The following GPATCH1 variants were observed in gnomAD, a reference collection of about 807,000 sequenced individuals.
The protein encoded by GPATCH1 is G patch domain-containing protein 1.
A neutral mutation model predicts 114.9 loss-of-function variants in GPATCH1; 73 were observed. The observed-to-expected ratio is 0.64, with a 90% CI of 0.53 to 0.77. The LOEUF (loss-of-function observed/expected upper bound fraction) is 0.77, where lower values mean the gene tolerates loss of function less well. Ranked by LOEUF, GPATCH1 falls within the 30% of genes least tolerant of loss-of-function variation. The probability of loss-of-function intolerance (pLI) is 0.00; values close to 1 mark genes in which losing one functional copy is unlikely to be tolerated. For missense variants in GPATCH1, 1,058 were observed against 1,144.3 expected (o/e 0.92, Z 1.09); for synonymous variants, 391 against 428.4 (o/e 0.91, Z 1.08).
At chr19:33,101,101 A>G (rs974625767) in intron 8 of GPATCH1, among the ~76,000 whole-genome samples, 2 of 152,238 alleles carry the variant, frequency 1.3e-5, no homozygotes, top group Non-Finnish European at 2.9e-5. Flanking sequence ...AGTTTTACAC[A>G]TGACGCTCTC....
At chr19:33,102,397 A>T (rs997057201) in intron 9 of GPATCH1, among the ~76,000 whole-genome samples, 3 of 135,256 alleles carry the variant, frequency 2.2e-5, no homozygotes, top group African/African-American at 5.6e-5. Flanking sequence ...TCTAATTTCT[A>T]TTTTTTTTTT....
At chr19:33,120,105 TTTAAC>T (rs1254517694) in intron 17 of GPATCH1, among the ~76,000 whole-genome samples, 11 of 139,776 alleles carry the variant, frequency 7.9e-5, no homozygotes, top group South Asian at 4.2e-4. Flanking sequence ...ATAAATATAT[TTTAAC>T]TTAATTTAAA....
chr19:33,094,691 C>T (rs1972635692), intron 5 of GPATCH1, among the ~76,000 whole-genome samples: 2 of 152,140 alleles, frequency 1.3e-5, no homozygotes. Flanking sequence ...TCCTACCCTC[C>T]CCCAAGCTGT....
chr19:33,090,690 A>C, intron 2 of GPATCH1, 90 bp from the exon 3 acceptor site: 1 of 758,874 alleles, frequency 1.3e-6, no homozygotes, highest in Non-Finnish European at 2.3e-6. Flanking sequence ...AGTTATTGGG[A>C]ATTTCAAGTC....
At chr19:33,099,620 A>C (rs1972702017) in intron 8 of GPATCH1, among the ~76,000 whole-genome samples, 1 of 151,102 alleles carries the variant, frequency 6.6e-6, no homozygotes, top group South Asian at 2.1e-4. Context: ...TTTTTTTGAG[A>C]CAGAGTCTCA....
rs200560282 is a variant in GPATCH1, at chr19:33,088,202, C to T, written c.142C>T (p.Arg48Ter). Residue 48 changes from arginine to a stop codon, truncating the protein, a stop_gained, in exon 2 of 20, where the codon CGA (arginine) becomes TGA (stop). Transcript: ENST00000170564. LOFTEE classifies it high-confidence loss of function. ...TVRDEKGRYK[R>*]FHGAFSGGFS... ...CAGAGATGAAAAAGGAAGGTATAAACGATTCCACGGGGCCTTTAGTGGAGG... is the reference window on the plus strand; with the variant it reads ...CAGAGATGAAAAAGGAAGGTATAAATGATTCCACGGGGCCTTTAGTGGAGG... 4.3e-5 allele frequency: 68 copies of T among 1,595,200 alleles called. No homozygotes were observed. Among genetic ancestry groups the T allele is most frequent in the Non-Finnish European group, 5.3e-5 (62 of 1,168,416 alleles).
chr19:33,125,393 C>T (rs1039410067), intron 18 of GPATCH1, among the ~76,000 whole-genome samples, 191 bp downstream of exon 18: 4 of 151,556 alleles, frequency 2.6e-5, no homozygotes, highest in African/African-American at 4.8e-5. Context: ...TGCACTTAAA[C>T]GCCCCCCCGC....
chr19:33,098,344 G>T (rs534237350), intron 8 of GPATCH1, among the ~76,000 whole-genome samples: 2 of 152,232 alleles, frequency 1.3e-5, no homozygotes, highest in African/African-American at 4.8e-5. Context: ...CGCCCAGTCC[G>T]TCTTCTCCCT....
intron 19 of GPATCH1, among the ~76,000 whole-genome samples, chr19:33,129,741 C>T (rs1473551384): frequency 2.0e-5 from 3 of 151,840 alleles, no homozygotes; most frequent in African/African-American, 4.8e-5. Flanking sequence ...GTCAGGAGTT[C>T]GAAACAAGCC....
intron 11 of GPATCH1, among the ~76,000 whole-genome samples, chr19:33,110,487 G>C (rs965753044): frequency 2.6e-5 from 4 of 152,174 alleles, no homozygotes; most frequent in African/African-American, 9.7e-5. Context: ...CAAGAATGAG[G>C]CAAGAATGAG....
At chr19:33,126,315 T>TGACA (rs1973040364) in intron 18 of GPATCH1, among the ~76,000 whole-genome samples, 1 of 152,222 alleles carries the variant, frequency 6.6e-6, no homozygotes, top group South Asian at 2.1e-4. Flanking sequence ...TCACGTCTTA[T>TGACA]GACACCAAGT....
intron 15 of GPATCH1, among the ~76,000 whole-genome samples, chr19:33,116,020 T>C (rs1972912880): frequency 6.6e-6 from 1 of 151,942 alleles, no homozygotes; most frequent in Admixed American, 6.6e-5. Context: ...AATTTTTCTA[T>C]TTTTTTTCTC....
Position 33,117,954 on chromosome 19 carries a change from A to C in GPATCH1, c.2326A>C (p.Ser776Arg). ...SSSSEDEQGD[S>R]EDDQAGSGEA... ...ATCCTCCGAGGATGAGCAAGGTGAC[A>C]GTGAAGATGATCAGGCAGGCTCTGG... The change falls in exon 16 of 20, where the codon AGT becomes CGT. Residue 776 changes from serine (S) to arginine (R), a missense_variant. Ser to Arg is a moderately radical substitution (Grantham distance 110, BLOSUM62 -1). Transcript: ENST00000170564. 6.2e-7 allele frequency: 1 copy of C among 1,613,928 alleles called. No homozygotes were observed. Among genetic ancestry groups the C allele is most frequent in the Non-Finnish European group, 8.5e-7 (1 of 1,179,990 alleles).
At position 33,117,147 on chromosome 19, in the gene GPATCH1, G is replaced by A. The variant is rs555691849; in HGVS notation, c.2197-678G>A. On this transcript the variant is annotated intron_variant, in intron 15 of 19. Coordinates refer to ENST00000170564, the MANE Select transcript of GPATCH1 (RefSeq NM_018025.3). The stretch of plus-strand genomic sequence containing the variant: ...GGAGGTCAACACTGCAGTGTGCTAT[G>A]ATCGCACCATTGCTTTCCAGCCTGG... Among the ~76,000 whole-genome samples, 95 of 152,222 alleles carry A rather than the reference G, an allele frequency of 6.2e-4. No homozygotes were observed. In the Middle Eastern group the frequency reaches 0.01, roughly 16 times the overall value.
intron 2 of GPATCH1, 93 bp downstream of exon 2, chr19:33,088,361 TG>T: frequency 1.0e-6 from 1 of 992,468 alleles, no homozygotes. Context: ...TTTTTAATTT[TG>T]AGACAAGAGT....
At position 33,125,105 on chromosome 19, in the gene GPATCH1, A is replaced by G. The variant is rs1200102233; in HGVS notation, c.2522A>G (p.Asn841Ser). ...GPRLPPVFCP[N>S]ARQTLEVPQK... ...TGTGTTTATTACCTTTGTGTTTCAG[A>G]TGCTCGTCAGACACTTGAGGTTCCT... The change falls in exon 18 of 20, where the codon AAT (asparagine) becomes AGT (serine). Residue 841 changes from asparagine (N) to serine (S), a missense_variant and splice_region_variant. Coordinates refer to ENST00000170564, the MANE Select transcript of GPATCH1 (RefSeq NM_018025.3). The G allele has an allele frequency of 6.3e-7, 1 of 1,595,798 alleles. No individual in the cohort carries two copies.
chr19:33,120,018 A>G (rs908582885), intron 17 of GPATCH1, among the ~76,000 whole-genome samples: 17 of 134,612 alleles, frequency 1.3e-4, no homozygotes, highest in Admixed American at 3.8e-4. Flanking sequence ...TATATTTTAT[A>G]TATTTATATA....
At chr19:33,088,964 A>G (rs150665739) in intron 2 of GPATCH1, among the ~76,000 whole-genome samples, 148 of 152,212 alleles carry the variant, frequency 9.7e-4, no homozygotes, top group Non-Finnish European at 1.5e-3. Context: ...GCTTTCTCTG[A>G]ACATACACTG....
At chr19:33,113,602 C>A in intron 13 of GPATCH1, 165 bp from the exon 14 acceptor site, 1 of 576,128 alleles carries the variant, frequency 1.7e-6, no homozygotes, top group Non-Finnish European at 3.1e-6. Context: ...CTCATGGGAC[C>A]TAAAATCAGT....
Sources: allele counts gnomAD v4.1 joint callset (sites outside exome capture counted in the v4.1 genomes callset), GRCh38; gene constraint gnomAD v4.1.1; transcripts MANE v1.5; gene names NCBI Gene and HGNC (gene_info 2026-07-23, HGNC 2026-07-21).